RASGEF1A: variants seen among roughly 807,000 people sequenced by gnomAD.
RASGEF1A encodes RasGEF domain family member 1A.
In RASGEF1A, 18 loss-of-function variants were observed where a neutral mutation model predicts 56.4. That is an observed-to-expected ratio of 0.32 (90% CI 0.22 to 0.47). The LOEUF (loss-of-function observed/expected upper bound fraction) is 0.47. RASGEF1A is among the 20% of genes least tolerant of loss of function. RASGEF1A has a pLI of 1.00. For missense variants in RASGEF1A, 422 were observed against 627.1 expected (o/e 0.67, Z 3.49); for synonymous variants, 245 against 242.6 (o/e 1.01, Z -0.09).
Position 43,198,199 on chromosome 10 carries a change from T to C in RASGEF1A, c.1033-4A>G, listed in dbSNP as rs1203666252. 2.5e-6 allele frequency: 4 copies of C among 1,605,986 alleles called. No homozygotes were observed. Among genetic ancestry groups the C allele is most frequent in the Non-Finnish European group, 3.4e-6 (4 of 1,173,980 alleles). ...TGCTGGACGGGTCCATGTGATGCTGTGGGCACAGGGAGGACCTGGTGAGCA... is the reference window on the plus strand; with the variant it reads ...TGCTGGACGGGTCCATGTGATGCTGCGGGCACAGGGAGGACCTGGTGAGCA... On this transcript the variant is annotated splice_region_variant and splice_polypyrimidine_tract_variant and intron_variant, in intron 9 of 12. Transcript: ENST00000395810.
At chr10:43,225,576 G>GATGGGTGTGTGTGT (rs1554827209) in intron 1 of RASGEF1A, among the ~76,000 whole-genome samples, 1 of 146,086 alleles carries the variant, frequency 6.8e-6, no homozygotes, top group Admixed American at 6.8e-5. Flanking sequence ...TCTGTGTATG[G>GATGGGTGTGTGTGT]GTGTGTGTGT....
intron 5 of RASGEF1A, 76 bp downstream of exon 5, chr10:43,200,591 C>T (rs1839878720): frequency 2.3e-6 from 3 of 1,301,622 alleles, no homozygotes; most frequent in Non-Finnish European, 3.2e-6. Context: ...CTAGCAGGGG[C>T]CTGAAGTGCT....
intron 1 of RASGEF1A, among the ~76,000 whole-genome samples, chr10:43,255,513 C>G (rs1840678271): frequency 6.6e-6 from 1 of 152,216 alleles, no homozygotes. Flanking sequence ...CTCCTTGTCT[C>G]ACAGCCCTGC....
chr10:43,215,343 A>C (rs1249169158), intron 1 of RASGEF1A, among the ~76,000 whole-genome samples: 3 of 152,130 alleles, frequency 2.0e-5, no homozygotes, highest in Non-Finnish European at 4.4e-5. Context: ...ACAAAAACGG[A>C]GACTATTTTT....
chr10:43,238,201 G>A (rs962664565), intron 1 of RASGEF1A, among the ~76,000 whole-genome samples: 1 of 152,106 alleles, frequency 6.6e-6, no homozygotes, highest in South Asian at 2.1e-4. Context: ...ACTTAAAGGG[G>A]TCTTCAGGGG....
chr10:43,199,667 G>C lies in RASGEF1A; in HGVS notation c.849+9C>G, dbSNP rs775439278. ...CAGCCACCCCACCATGTCTGCCATG[G>C]GCACTTACCCGGCACACCTCAGTGG... On this transcript the variant is annotated intron_variant, in intron 7 of 12. Coordinates refer to ENST00000395810, the MANE Select transcript of RASGEF1A (RefSeq NM_145313.4). The C allele has an allele frequency of 1.2e-6, 2 of 1,611,642 alleles. No individual in the cohort carries two copies. Among genetic ancestry groups the C allele is most frequent in the East Asian group, 4.5e-5 (2 of 44,872 alleles).
intron 10 of RASGEF1A, among the ~76,000 whole-genome samples, chr10:43,197,524 T>G (rs1024364329): frequency 1.3e-5 from 2 of 151,912 alleles, no homozygotes; most frequent in African/African-American, 4.8e-5. Flanking sequence ...GAGGTAGGCA[T>G]CCGGCAGCCC....
intron 1 of RASGEF1A, among the ~76,000 whole-genome samples, chr10:43,259,261 C>T (rs1262148249): frequency 6.6e-6 from 1 of 152,204 alleles, no homozygotes; most frequent in Non-Finnish European, 1.5e-5. Flanking sequence ...CCCCAGGGAC[C>T]AGCTGAGGGC....
At position 43,200,259 on chromosome 10, in the gene RASGEF1A, G is replaced by A. The variant is rs1437314925; in HGVS notation, c.682-3C>T. On this transcript the variant is annotated splice_region_variant and splice_polypyrimidine_tract_variant and intron_variant, in intron 5 of 12. Transcript: ENST00000395810. ...GGGTAAATGCTGCTGACCCTGTCCT[G>A]GGGTGGAAGATAGCAAAGGGAAGGT... The A allele has an allele frequency of 1.9e-6, 3 of 1,602,192 alleles. No homozygotes were observed. In the Admixed American group the frequency reaches 5.1e-5, roughly 27 times the overall value.
At chr10:43,222,629 T>G (rs1840223209) in intron 1 of RASGEF1A, among the ~76,000 whole-genome samples, 1 of 152,212 alleles carries the variant, frequency 6.6e-6, no homozygotes, top group Non-Finnish European at 1.5e-5. Context: ...GAGCATCCCT[T>G]CCTCTTACTG....
chr10:43,196,542 AAG>A lies in RASGEF1A; in HGVS notation c.1353_1354del (p.Phe452ArgfsTer5). The A allele has an allele frequency of 6.2e-7, 1 of 1,613,622 alleles. No homozygotes were observed. The highest frequency in any genetic ancestry group is 8.5e-7 in the Non-Finnish European group (1 of 1,179,994). On this transcript the variant is annotated frameshift_variant, in exon 12 of 13. Coordinates refer to ENST00000395810, the MANE Select transcript of RASGEF1A (RefSeq NM_145313.4). LOFTEE classifies it high-confidence loss of function. The surrounding 1 kb of genome is among the most constrained non-coding windows in gnomAD (Gnocchi z 4.6). ...ACCCTCACTTTCAAAGGAGGCGACG[AAG>A]AGAGCTGAGAGATGGGAAAGTCCCT...
intron 1 of RASGEF1A, among the ~76,000 whole-genome samples, chr10:43,220,872 T>C (rs1344203980): frequency 2.0e-5 from 3 of 151,798 alleles, no homozygotes; most frequent in Non-Finnish European, 4.4e-5. Flanking sequence ...AGCATAGGTG[T>C]GGTGGACTGC....
intron 1 of RASGEF1A, chr10:43,206,649 G>A (rs1203955699): frequency 1.8e-5 from 18 of 989,228 alleles, no homozygotes; most frequent in Non-Finnish European, 2.2e-5. Context: ...ACTGAGGTGG[G>A]AGCCTGGGGC....
At chr10:43,234,468 G>A (rs867626364) in intron 1 of RASGEF1A, among the ~76,000 whole-genome samples, 1 of 152,196 alleles carries the variant, frequency 6.6e-6, no homozygotes, top group South Asian at 2.1e-4. Flanking sequence ...GATGGAAGGT[G>A]GCCTGAGGCA....
intron 1 of RASGEF1A, among the ~76,000 whole-genome samples, chr10:43,235,914 T>A (rs527333639): frequency 6.6e-6 from 1 of 151,702 alleles, no homozygotes; most frequent in Non-Finnish European, 1.5e-5. Flanking sequence ...ATGAAGCAGA[T>A]GATGACCAAC....
chr10:43,200,602 G>C, intron 5 of RASGEF1A, 65 bp downstream of exon 5: 1 of 1,428,932 alleles, frequency 7.0e-7, no homozygotes, highest in South Asian at 1.2e-5. Context: ...CTGAAGTGCT[G>C]TGCTGAAAGA....
rs115783533 is a variant in RASGEF1A, at chr10:43,217,292, T to C, written c.-6-11170A>G. 8.6e-3 allele frequency among the ~76,000 whole-genome samples: 1,315 copies of C among 152,164 alleles called. 18 individuals carry two copies. The highest frequency in any genetic ancestry group is 0.031 in the African/African-American group (1,273 of 41,512). On this transcript the variant is annotated intron_variant, in intron 1 of 12. Coordinates refer to ENST00000395810, the MANE Select transcript of RASGEF1A (RefSeq NM_145313.4). Reference sequence around the variant, plus strand: ...CCCCAGGCAGCCCCCAGTCCTTCCATCCCCCTTTGGCTCCCATTTCTCTAA... The same window carrying C: ...CCCCAGGCAGCCCCCAGTCCTTCCACCCCCCTTTGGCTCCCATTTCTCTAA...
chr10:43,217,628 T>A (rs992594742), intron 1 of RASGEF1A, among the ~76,000 whole-genome samples: 1 of 152,038 alleles, frequency 6.6e-6, no homozygotes, highest in African/African-American at 2.4e-5. Flanking sequence ...CCTGGGAGAG[T>A]CTGGGGCTTA....
intron 1 of RASGEF1A, among the ~76,000 whole-genome samples, chr10:43,250,929 G>A (rs1228437838): frequency 6.6e-6 from 1 of 152,216 alleles, no homozygotes; most frequent in African/African-American, 2.4e-5. Context: ...CCTGGGTGGA[G>A]GTGGAGACGT....
Sources: gnomAD v4.1 joint callset for allele counts (sites outside exome capture counted in the v4.1 genomes callset) on GRCh38, gnomAD v4.1.1 for gene constraint, Gnocchi (gnomAD v3.1) non-coding constraint, MANE v1.5 for transcripts, NCBI Gene and HGNC (gene_info 2026-07-23, HGNC 2026-07-21) for gene names.